Variants in CLSTN2 observed in about 807,000 individuals in gnomAD.
CLSTN2 encodes calsyntenin 2.
In CLSTN2, 48 loss-of-function variants were observed where a neutral mutation model predicts 101.2. The observed-to-expected ratio is 0.47, with a 90% CI of 0.38 to 0.60. The LOEUF is 0.60. Among genes scored for constraint, CLSTN2 ranks in the 20% least tolerant of loss-of-function variants. CLSTN2 has a pLI of 0.00. For synonymous variants in CLSTN2, 481 were observed against 463.6 expected, an observed-to-expected ratio of 1.04 and a Z score of -0.48; for missense variants, 1,160 against 1,238.2, an observed-to-expected ratio of 0.94 and a Z score of 0.95.
chr3:140,547,743 C>T (rs1002512398), intron 10 of CLSTN2, among the ~76,000 whole-genome samples: 3 of 152,138 alleles, frequency 2.0e-5, no homozygotes, highest in Non-Finnish European at 4.4e-5. Flanking sequence ...CTTGTTGGCA[C>T]CTGCCCATGA....
chr3:140,376,313 G>A (rs1273051136), intron 2 of CLSTN2, among the ~76,000 whole-genome samples: 1 of 152,166 alleles, frequency 6.6e-6, no homozygotes, highest in African/African-American at 2.4e-5. Flanking sequence ...GATGACAGAG[G>A]GCAGTGAGAG....
At chr3:140,354,156 G>A (rs576965209) in intron 2 of CLSTN2, among the ~76,000 whole-genome samples, 8 of 152,278 alleles carry the variant, frequency 5.3e-5, no homozygotes, top group African/African-American at 1.9e-4. Flanking sequence ...GACAAGGTAT[G>A]AAAGACCCTT....
intron 2 of CLSTN2, among the ~76,000 whole-genome samples, chr3:140,207,887 A>G (rs968313540): frequency 5.3e-5 from 8 of 152,032 alleles, no homozygotes; most frequent in African/African-American, 1.4e-4. Context: ...TTTATTTTGC[A>G]TTTTGTTGGT....
In CLSTN2 at chr3:140,421,171, G is replaced by A. The variant is rs186732957; in HGVS notation, c.684G>A (p.Gln228=). The part of the protein sequence containing the change: ...TEKLSYDKQH[Q]YEILVTAYDC... ...AGCTGAGCTATGACAAACAACACCA[G>A]TATGAGATCCTGGTGACCGCCTACG... is the stretch of plus-strand genomic sequence containing the variant. The change falls in exon 5 of 17, where the codon CAG becomes CAA. Residue 228 remains glutamine, a synonymous_variant. Transcript: ENST00000458420. 91 of 1,614,026 alleles carry A rather than the reference G, an allele frequency of 5.6e-5. No homozygotes were observed. Among genetic ancestry groups the A allele is most frequent in the Non-Finnish European group, 7.5e-5 (88 of 1,180,000 alleles).
intron 1 of CLSTN2, among the ~76,000 whole-genome samples, chr3:140,037,610 C>T (rs569644663): frequency 1.3e-5 from 2 of 151,336 alleles, no homozygotes; most frequent in Admixed American, 6.6e-5. Context: ...TAGGTAAACA[C>T]GTGCCATGGT....
At chr3:140,067,467 G>C (rs140714393) in intron 1 of CLSTN2, among the ~76,000 whole-genome samples, 1 of 152,248 alleles carries the variant, frequency 6.6e-6, no homozygotes, top group East Asian at 1.9e-4. Context: ...ATCATACCAA[G>C]AACCTACTTG....
intron 1 of CLSTN2, among the ~76,000 whole-genome samples, chr3:140,121,645 C>T (rs1244963073): frequency 6.6e-6 from 1 of 152,170 alleles, no homozygotes; most frequent in Non-Finnish European, 1.5e-5. Context: ...GTCTCCTCAC[C>T]TCTTCCAAGT....
At chr3:140,321,002 T>C (rs2087278416) in intron 2 of CLSTN2, among the ~76,000 whole-genome samples, 1 of 152,146 alleles carries the variant, frequency 6.6e-6, no homozygotes, top group Non-Finnish European at 1.5e-5. Context: ...AGTGGTACCA[T>C]ACAAAGGATG....
At chr3:140,085,178 C>A (rs2008659850) in intron 1 of CLSTN2, among the ~76,000 whole-genome samples, 1 of 152,174 alleles carries the variant, frequency 6.6e-6, no homozygotes, top group Non-Finnish European at 1.5e-5. Flanking sequence ...TCTGTGGACA[C>A]CTAATTTCCT....
chr3:140,509,968 T>C (rs1934776193), intron 8 of CLSTN2, among the ~76,000 whole-genome samples: 1 of 152,236 alleles, frequency 6.6e-6, no homozygotes, highest in African/African-American at 2.4e-5. Context: ...AAATTAAAAA[T>C]GTATTTAATA....
At chr3:140,305,683 T>C (rs1265279289) in intron 2 of CLSTN2, among the ~76,000 whole-genome samples, 5 of 152,142 alleles carry the variant, frequency 3.3e-5, no homozygotes, top group Non-Finnish European at 7.3e-5. Context: ...TGGGGGGCCC[T>C]TAATAGAGCA....
chr3:140,179,068 G>A (rs868357843), intron 2 of CLSTN2, among the ~76,000 whole-genome samples: 52 of 151,858 alleles, frequency 3.4e-4, no homozygotes, highest in African/African-American at 1.2e-4. Context: ...ATGATCTCAC[G>A]TGATTTTTAT....
intron 2 of CLSTN2, among the ~76,000 whole-genome samples, chr3:140,370,266 G>GT (rs2087837869): frequency 6.6e-6 from 1 of 152,108 alleles, no homozygotes; most frequent in African/African-American, 2.4e-5. Flanking sequence ...TGATTCTCAT[G>GT]TCAGTCAAGG....
chr3:140,568,596 C>T lies in CLSTN2; in HGVS notation c.*2343C>T, dbSNP rs1306202382. 1 of 152,218 alleles carries T rather than the reference C, an allele frequency of 6.6e-6. No homozygotes were observed. The highest frequency in any genetic ancestry group is 2.4e-5 in the African/African-American group (1 of 41,458). 9.4% of individuals were successfully genotyped at this position (152,218 alleles called of 1,614,324 possible). A position where few individuals can be genotyped will look rare whatever the true frequency, so the allele number is the denominator to read the frequency against. On this transcript the variant is annotated 3_prime_UTR_variant, in exon 17 of 17. Transcript: ENST00000458420. ...TCTTTAGTTGGGCATTTAGGAGCAACTGAATTCTCCCAAAATTGTGGCAGC... is the reference window on the plus strand; with the variant it reads ...TCTTTAGTTGGGCATTTAGGAGCAATTGAATTCTCCCAAAATTGTGGCAGC...
At chr3:140,217,087 G>A (rs901872668) in intron 2 of CLSTN2, among the ~76,000 whole-genome samples, 1 of 152,030 alleles carries the variant, frequency 6.6e-6, no homozygotes, top group African/African-American at 2.4e-5. Context: ...GTGACTCCAG[G>A]GTGCAGTTTT....
intron 2 of CLSTN2, among the ~76,000 whole-genome samples, chr3:140,304,101 TC>T (rs2107911647): frequency 6.6e-6 from 1 of 152,284 alleles, no homozygotes; most frequent in Non-Finnish European, 1.5e-5. Flanking sequence ...TGTGGTTATC[TC>T]TGAAACTCGC....
At chr3:140,496,830 C>A (rs1234101445) in intron 8 of CLSTN2, among the ~76,000 whole-genome samples, 1 of 152,008 alleles carries the variant, frequency 6.6e-6, no homozygotes, top group African/African-American at 2.4e-5. Context: ...TAGCCGGGCG[C>A]GGTGGCTCAC....
At chr3:140,069,234 G>C (rs2008351492) in intron 1 of CLSTN2, among the ~76,000 whole-genome samples, 1 of 152,134 alleles carries the variant, frequency 6.6e-6, no homozygotes, top group African/African-American at 2.4e-5. Context: ...TCTGTATATA[G>C]CAAAACAAGT....
At chr3:140,316,166 A>G (rs999759156) in intron 2 of CLSTN2, among the ~76,000 whole-genome samples, 4 of 152,184 alleles carry the variant, frequency 2.6e-5, no homozygotes, top group Non-Finnish European at 5.9e-5. Flanking sequence ...AGCTGGGGAT[A>G]GATAGATTAG....
Sources: gnomAD v4.1 joint callset for allele counts (sites outside exome capture counted in the v4.1 genomes callset) on GRCh38, gnomAD v4.1.1 for gene constraint, MANE v1.5 for transcripts, NCBI Gene and HGNC (gene_info 2026-07-23, HGNC 2026-07-21) for gene names.